Variants in ABHD13 observed in about 807,000 individuals in gnomAD.
ABHD13 encodes the protein protein ABHD13.
ABHD13 carries 7 observed loss-of-function variants against 25.2 expected under a neutral mutation model. The ratio of observed to expected loss-of-function variants is 0.28; its 90% CI spans 0.16 to 0.52. The LOEUF (loss-of-function observed/expected upper bound fraction) is 0.52. Ranked by LOEUF, ABHD13 falls within the 20% of genes least tolerant of loss-of-function variation. ABHD13 has a pLI of 0.96. For synonymous variants in ABHD13, 133 were observed against 136.1 expected (o/e 0.98, Z 0.16); for missense variants, 302 against 402.7 (o/e 0.75, Z 2.14).
rs926650960 is a variant in ABHD13, at chr13:108,231,824, A to G, written c.*1592A>G. On this transcript the variant is annotated 3_prime_UTR_variant, in exon 2 of 2. Coordinates refer to ENST00000375898, the MANE Select transcript of ABHD13 (RefSeq NM_032859.3). Reference sequence around the variant, plus strand: ...GCATTCTTATTCACTTTATGCCGGTATTTAGAAAAAATAAATTATAGCAAG... The same window carrying G: ...GCATTCTTATTCACTTTATGCCGGTGTTTAGAAAAAATAAATTATAGCAAG... 1 of 166,606 alleles carries G rather than the reference A, an allele frequency of 6.0e-6. No homozygotes were observed. Among genetic ancestry groups the G allele is most frequent in the African/African-American group, 2.4e-5 (1 of 41,392 alleles). 10.3% of individuals were successfully genotyped at this position (166,606 alleles called of 1,614,324 possible). A position where few individuals can be genotyped will look rare whatever the true frequency, so the allele number is the denominator to read the frequency against.
Position 108,229,965 on chromosome 13 carries a change from C to T in ABHD13, c.747C>T (p.Ser249=), listed in dbSNP as rs1879762718. Residue 249 remains serine, a synonymous_variant, in exon 2 of 2, where the codon TCC becomes TCT. Coordinates refer to ENST00000375898, the MANE Select transcript of ABHD13 (RefSeq NM_032859.3). The surrounding 1 kb of genome is among the most constrained non-coding windows in gnomAD (Gnocchi z 4.7). ...GGTGCTACAAAAATAAATTTTTGTC[C>T]TACAGAAAAATCTCTCAGTGTAGAA... The part of the protein sequence containing the change: ...PLWCYKNKFL[S]YRKISQCRMP... 6.2e-7 allele frequency: 1 copy of T among 1,613,004 alleles called. No individual in the cohort carries two copies. Among genetic ancestry groups the T allele is most frequent in the African/African-American group, 1.3e-5 (1 of 74,828 alleles).
In ABHD13 at chr13:108,233,125, T is replaced by C. The variant is rs1346654341; in HGVS notation, c.*2893T>C. 1.8e-5 allele frequency: 3 copies of C among 166,848 alleles called. No homozygotes were observed. Among genetic ancestry groups the C allele is most frequent in the Non-Finnish European group, 4.4e-5 (3 of 67,988 alleles). The allele number at this position is 166,848 out of a possible 1,614,324, so 10.3% of individuals were successfully genotyped here. On this transcript the variant is annotated 3_prime_UTR_variant, in exon 2 of 2. Transcript: ENST00000375898. ...GGTGTTCTGAATTTTGCTACAGGGC[T>C]GCTTAAATTTATGATTACCTGTAGA...
intron 1 of ABHD13, among the ~76,000 whole-genome samples, chr13:108,228,754 C>T (rs1273624939): frequency 1.3e-5 from 2 of 151,708 alleles, no homozygotes; most frequent in African/African-American, 4.8e-5. Flanking sequence ...ACATACGTAA[C>T]CTAACAGCAG....
intron 1 of ABHD13, among the ~76,000 whole-genome samples, chr13:108,228,107 A>G (rs1186667048): frequency 1.3e-5 from 2 of 152,082 alleles, no homozygotes. Context: ...CGAATAGTAC[A>G]TAAGAAAATT....
At chr13:108,220,560 C>T (rs367589952) in intron 1 of ABHD13, among the ~76,000 whole-genome samples, 57 of 152,270 alleles carry the variant, frequency 3.7e-4, no homozygotes, top group African/African-American at 1.1e-3. Flanking sequence ...TTAAAAGATG[C>T]TCTAGTTCTT....
In ABHD13 at chr13:108,231,395, A is replaced by G. The variant is rs1376898811; in HGVS notation, c.*1163A>G. On this transcript the variant is annotated 3_prime_UTR_variant, in exon 2 of 2. Coordinates refer to ENST00000375898, the MANE Select transcript of ABHD13 (RefSeq NM_032859.3). ...TATTTATTGATTTTAAAAGTTTTAC[A>G]TGTAGGAGTGTGGGAATGAAGGAAT... The G allele has an allele frequency of 1.2e-5, 2 of 166,696 alleles. No individual in the cohort carries two copies. The highest frequency in any genetic ancestry group is 2.9e-5 in the Non-Finnish European group (2 of 67,954). 10.3% of individuals were successfully genotyped at this position (166,696 alleles called of 1,614,324 possible).
In ABHD13 at chr13:108,233,701, C is replaced by T. The variant is rs553428242; in HGVS notation, c.*3469C>T. 4 of 162,850 alleles carry T rather than the reference C, an allele frequency of 2.5e-5. No individual in the cohort carries two copies. The South Asian group carries it at 8.4e-4, about 34-fold the overall frequency. 10.1% of individuals were successfully genotyped at this position (162,850 alleles called of 1,614,324 possible). On this transcript the variant is annotated 3_prime_UTR_variant, in exon 2 of 2. Coordinates refer to ENST00000375898, the MANE Select transcript of ABHD13 (RefSeq NM_032859.3). The stretch of plus-strand genomic sequence containing the variant: ...AATGTACTTCTGTTTATTCTTAATA[C>T]TATATATATATATACACACATAGTT...
At position 108,231,661 on chromosome 13, in the gene ABHD13, CAT is replaced by C. The variant is rs1879806979; in HGVS notation, c.*1433_*1434del. On this transcript the variant is annotated 3_prime_UTR_variant, in exon 2 of 2. Transcript: ENST00000375898. ...TTGTGTAATATTATGTCAGCTTTAACATATAATATTTTGAATATTTTAGCTAT... is the reference window on the plus strand; with the variant it reads ...TTGTGTAATATTATGTCAGCTTTAACATAATATTTTGAATATTTTAGCTAT... 6.0e-6 allele frequency: 1 copy of C among 166,634 alleles called. No individual in the cohort carries two copies. Among genetic ancestry groups the C allele is most frequent in the Non-Finnish European group, 1.5e-5 (1 of 67,930 alleles). The allele number at this position is 166,634 out of a possible 1,614,324, so 10.3% of individuals were successfully genotyped here. A position where few individuals can be genotyped will look rare whatever the true frequency, so the allele number is the denominator to read the frequency against.
intron 1 of ABHD13, among the ~76,000 whole-genome samples, chr13:108,224,133 T>C (rs1274258878): frequency 6.6e-6 from 1 of 152,260 alleles, no homozygotes; most frequent in East Asian, 1.9e-4. Flanking sequence ...GATTTTCCTT[T>C]GCTATATGTA....
rs1047386360 is a variant in ABHD13, at chr13:108,218,678, C to T, written c.-21+19C>T. ...AGTCTGAGTAAGTGCGGCTCGGGGACCCCGAGCCCGCGGGGCCCGAGCGCC... is the reference window on the plus strand; with the variant it reads ...AGTCTGAGTAAGTGCGGCTCGGGGATCCCGAGCCCGCGGGGCCCGAGCGCC... On this transcript the variant is annotated intron_variant, in intron 1 of 1. Coordinates refer to ENST00000375898, the MANE Select transcript of ABHD13 (RefSeq NM_032859.3). 1 of 151,514 alleles carries T rather than the reference C, an allele frequency of 6.6e-6. No homozygotes were observed. Among genetic ancestry groups the T allele is most frequent in the Non-Finnish European group, 1.5e-5 (1 of 67,742 alleles). 9.4% of individuals were successfully genotyped at this position (151,514 alleles called of 1,614,324 possible).
chr13:108,226,516 GGAAACAGTGCAGGAA>G (rs916580144), intron 1 of ABHD13, among the ~76,000 whole-genome samples: 21 of 152,230 alleles, frequency 1.4e-4, no homozygotes, highest in African/African-American at 5.1e-4. Context: ...AGGTTTCCAG[GGAAACAGTGCAGGAA>G]GGTTAAGGAG....
intron 1 of ABHD13, among the ~76,000 whole-genome samples, chr13:108,226,373 A>G (rs1319110853): frequency 1.3e-5 from 2 of 152,126 alleles, no homozygotes; most frequent in Non-Finnish European, 2.9e-5. Context: ...AATTCAGAAA[A>G]GCCCCTGTTT....
chr13:108,220,008 T>TA (rs1473839720), intron 1 of ABHD13, among the ~76,000 whole-genome samples: 1 of 152,208 alleles, frequency 6.6e-6, no homozygotes, highest in African/African-American at 2.4e-5. Context: ...AATTAAGTAA[T>TA]TTAAATTTTG....
At position 108,231,508 on chromosome 13, in the gene ABHD13, T is replaced by G. The variant is rs1297686734; in HGVS notation, c.*1276T>G. ...AGTAGGATTTAGATGTATAGAAAAG[T>G]AAGAAAATCTTACTTAGAAAAAAGC... On this transcript the variant is annotated 3_prime_UTR_variant, in exon 2 of 2. Coordinates refer to ENST00000375898, the MANE Select transcript of ABHD13 (RefSeq NM_032859.3). The G allele has an allele frequency of 6.0e-6, 1 of 166,736 alleles. No individual in the cohort carries two copies. The highest frequency in any genetic ancestry group is 1.5e-5 in the Non-Finnish European group (1 of 67,918). The allele number at this position is 166,736 out of a possible 1,614,324, so 10.3% of individuals were successfully genotyped here.
intron 1 of ABHD13, among the ~76,000 whole-genome samples, chr13:108,220,168 A>G (rs760314397): frequency 3.9e-5 from 6 of 152,218 alleles, no homozygotes; most frequent in African/African-American, 9.6e-5. Flanking sequence ...TTAACAGACC[A>G]TGACTCAAAA....
At chr13:108,221,546 C>T (rs1194149905) in intron 1 of ABHD13, among the ~76,000 whole-genome samples, 1 of 152,270 alleles carries the variant, frequency 6.6e-6, no homozygotes, top group East Asian at 1.9e-4. Flanking sequence ...CCACTTTTTA[C>T]AGTCTTCACT....
chr13:108,219,814 G>A (rs892413986), intron 1 of ABHD13, among the ~76,000 whole-genome samples: 1 of 152,138 alleles, frequency 6.6e-6, no homozygotes, highest in South Asian at 2.1e-4. Flanking sequence ...AGGGAATAGG[G>A]GTCCAAGGAA....
rs1270404852 is a variant in ABHD13, at chr13:108,219,521, C to A, written c.-21+862C>A. On this transcript the variant is annotated intron_variant, in intron 1 of 1. Transcript: ENST00000375898. ...GCTTAGGGAAATCACTCGTCTTTGA[C>A]TAAAATATCAAATTTTATTTTACTG... is the stretch of plus-strand genomic sequence containing the variant. Among the ~76,000 whole-genome samples the A allele has an allele frequency of 2.0e-5, 3 of 152,136 alleles. No individual in the cohort carries two copies. The East Asian group carries it at 5.8e-4, about 29-fold the overall frequency.
intron 1 of ABHD13, among the ~76,000 whole-genome samples, chr13:108,219,846 C>T (rs1879514845): frequency 6.6e-6 from 1 of 152,292 alleles, no homozygotes; most frequent in South Asian, 2.1e-4. Context: ...GGATCTACTA[C>T]CTGAGTTTGG....
Sources: gnomAD v4.1 joint callset for allele counts (sites outside exome capture counted in the v4.1 genomes callset) on GRCh38, gnomAD v4.1.1 for gene constraint, Gnocchi (gnomAD v3.1) non-coding constraint, MANE v1.5 for transcripts, NCBI Gene and HGNC (gene_info 2026-07-23, HGNC 2026-07-21) for gene names.